Variants in LARP1B observed in about 807,000 individuals in gnomAD.
LARP1B encodes the protein La ribonucleoprotein 1B.
A neutral mutation model predicts 114.2 loss-of-function variants in LARP1B; 76 were observed. The observed-to-expected ratio is 0.67, with a 90% CI of 0.55 to 0.81. The LOEUF is 0.81. LARP1B is among the 30% of genes least tolerant of loss of function. LARP1B has a pLI of 0.00. For missense variants in LARP1B, 1,014 were observed against 1,075.8 expected, an observed-to-expected ratio of 0.94 and a Z score of 0.80; for synonymous variants, 345 against 348.0, an observed-to-expected ratio of 0.99 and a Z score of 0.10.
chr4:128,072,675 G>A (rs1327511642), intron 1 of LARP1B, among the ~76,000 whole-genome samples: 1 of 151,924 alleles, frequency 6.6e-6, no homozygotes, highest in Non-Finnish European at 1.5e-5. Flanking sequence ...TCCTGCCTCA[G>A]CCTCCTAAGT....
chr4:128,158,359 A>G (rs1736820216), intron 11 of LARP1B, among the ~76,000 whole-genome samples: 1 of 152,228 alleles, frequency 6.6e-6, no homozygotes, highest in African/African-American at 2.4e-5. Context: ...ACACAAAATA[A>G]TAAAACTTAT....
At chr4:128,106,680 C>T (rs1457804285) in intron 8 of LARP1B, among the ~76,000 whole-genome samples, 2 of 151,130 alleles carry the variant, frequency 1.3e-5, no homozygotes, top group Non-Finnish European at 2.9e-5. Context: ...CCTCAGTTTC[C>T]TCATCTATAT....
chr4:128,201,513 TC>T (rs1755926959), intron 17 of LARP1B, among the ~76,000 whole-genome samples: 1 of 151,874 alleles, frequency 6.6e-6, no homozygotes, highest in Admixed American at 6.5e-5. Context: ...TCTAATTTTT[TC>T]CCCGCTAGTC....
chr4:128,064,770 G>A (rs960562996), intron 1 of LARP1B, among the ~76,000 whole-genome samples: 1 of 152,098 alleles, frequency 6.6e-6, no homozygotes, highest in Non-Finnish European at 1.5e-5. Flanking sequence ...GGTAGTGTGT[G>A]CCTGTAGTTT....
intron 5 of LARP1B, among the ~76,000 whole-genome samples, chr4:128,086,831 C>T (rs967113849): frequency 1.3e-5 from 2 of 152,042 alleles, no homozygotes; most frequent in Non-Finnish European, 2.9e-5. Context: ...GACAAAGCCT[C>T]ACTCTGTCAC....
At chr4:128,214,066 C>T (rs867986292), downstream of LARP1B, among the ~76,000 whole-genome samples, 52 of 148,616 alleles carry the variant, frequency 3.5e-4, no homozygotes, top group African/African-American at 1.2e-3. Flanking sequence ...AATCGGGTCA[C>T]TCCCACCCGA....
chr4:128,091,672 C>T (rs1042975606), intron 7 of LARP1B, among the ~76,000 whole-genome samples, 160 bp downstream of exon 7: 5 of 151,800 alleles, frequency 3.3e-5, no homozygotes, highest in African/African-American at 1.2e-4. Context: ...TCTTGGCTCA[C>T]TGCAACCTCT....
intron 9 of LARP1B, among the ~76,000 whole-genome samples, chr4:128,113,545 C>T (rs1423201377): frequency 1.1e-4 from 16 of 151,514 alleles, no homozygotes; most frequent in Non-Finnish European, 2.4e-4. Context: ...GTTTCACCAT[C>T]TTGGCCAGGC....
At chr4:128,180,368 A>G (rs746259035) in intron 15 of LARP1B, among the ~76,000 whole-genome samples, 5 of 152,238 alleles carry the variant, frequency 3.3e-5, no homozygotes, top group Non-Finnish European at 5.9e-5. Context: ...CTAGAAAAGA[A>G]GGATTAGTTA....
intron 1 of LARP1B, among the ~76,000 whole-genome samples, chr4:128,064,449 A>C (rs575038262): frequency 6.6e-6 from 1 of 152,158 alleles, no homozygotes. Flanking sequence ...GCAGAAAAAA[A>C]GTTTGCTCTG....
Position 128,210,551 on chromosome 4 carries a change from T to C in LARP1B, c.*498T>C, listed in dbSNP as rs965507962. On this transcript the variant is annotated 3_prime_UTR_variant, in exon 20 of 20. Coordinates refer to ENST00000326639, the MANE Select transcript of LARP1B (RefSeq NM_018078.4). ...CCAAAACAAAGGAGGATTACGTATATGTTTTTTAAATTCAAAAAAGAATAT... is the reference window on the plus strand; with the variant it reads ...CCAAAACAAAGGAGGATTACGTATACGTTTTTTAAATTCAAAAAAGAATAT... 9.4e-6 allele frequency: 9 copies of C among 960,914 alleles called. No homozygotes were observed. The highest frequency in any genetic ancestry group is 1.1e-5 in the Non-Finnish European group (9 of 807,304). The allele number at this position is 960,914 out of a possible 1,614,324, so 59.5% of individuals were successfully genotyped here. A position where few individuals can be genotyped will look rare whatever the true frequency, so the allele number is the denominator to read the frequency against.
intron 11 of LARP1B, among the ~76,000 whole-genome samples, chr4:128,155,135 AG>A (rs1348435884): frequency 2.0e-5 from 3 of 152,162 alleles, no homozygotes; most frequent in Non-Finnish European, 2.9e-5. Flanking sequence ...GAACAAGGCA[AG>A]GTATAAATTT....
chr4:128,163,914 A>G (rs1429438643), intron 12 of LARP1B, among the ~76,000 whole-genome samples: 1 of 152,098 alleles, frequency 6.6e-6, no homozygotes, highest in African/African-American at 2.4e-5. Context: ...GCCCCCACCA[A>G]GGTTGAGCTT....
chr4:128,078,013 A>G, intron 4 of LARP1B, 51 bp downstream of exon 4: 1 of 1,263,858 alleles, frequency 7.9e-7, no homozygotes, highest in South Asian at 1.8e-5. Context: ...AGAAAGTTGT[A>G]ATGAGGAATT....
chr4:128,094,252 A>G (rs1171592726), intron 7 of LARP1B, among the ~76,000 whole-genome samples: 1 of 151,882 alleles, frequency 6.6e-6, no homozygotes, highest in Non-Finnish European at 1.5e-5. Flanking sequence ...TTAAGTGAAA[A>G]CTTGTATTAA....
chr4:128,170,766 A>G (rs1743185473), intron 12 of LARP1B, among the ~76,000 whole-genome samples: 1 of 151,296 alleles, frequency 6.6e-6, no homozygotes, highest in Non-Finnish European at 1.5e-5. Context: ...CATGTTTTTT[A>G]TTCAGTCTGA....
rs574342306 is a variant in LARP1B at position 128,118,997 on chromosome 4, C to T, written c.1162-2829C>T. On this transcript the variant is annotated intron_variant, in intron 10 of 19. Transcript: ENST00000326639. ...CCAGGTTCAAGCAATTCTTCTGCCTCAGCCTCCCGAGTAGCTGGGATTACA... is the reference window on the plus strand; with the variant it reads ...CCAGGTTCAAGCAATTCTTCTGCCTTAGCCTCCCGAGTAGCTGGGATTACA... Among the ~76,000 whole-genome samples the T allele has an allele frequency of 5.8e-3, 887 of 151,886 alleles. 1 individual carries two copies. Among genetic ancestry groups the T allele is most frequent in the Non-Finnish European group, 9.2e-3 (628 of 67,986 alleles).
intron 8 of LARP1B, among the ~76,000 whole-genome samples, chr4:128,099,602 C>T (rs1022772252): frequency 6.6e-6 from 1 of 151,934 alleles, no homozygotes; most frequent in Non-Finnish European, 1.5e-5. Context: ...GACTAGTATT[C>T]CATGGTATGG....
At chr4:128,101,945 T>C (rs897361703) in intron 8 of LARP1B, among the ~76,000 whole-genome samples, 24 of 152,224 alleles carry the variant, frequency 1.6e-4, no homozygotes, top group African/African-American at 5.8e-4. Flanking sequence ...TGTAGTCCCA[T>C]TAAATCCTCA....
Sources: allele counts gnomAD v4.1 joint callset (sites outside exome capture counted in the v4.1 genomes callset), GRCh38; gene constraint gnomAD v4.1.1; transcripts MANE v1.5; gene names NCBI Gene and HGNC (gene_info 2026-07-23, HGNC 2026-07-21).